RUNDC3B: variants seen among roughly 807,000 people sequenced by gnomAD.
The protein encoded by RUNDC3B is RUN domain-containing protein 3B.
Under a neutral mutation model 58.4 loss-of-function variants are expected in RUNDC3B, and 33 were observed. The ratio of observed to expected loss-of-function variants is 0.56; its 90% confidence interval spans 0.43 to 0.75. The LOEUF (loss-of-function observed/expected upper bound fraction) is 0.75, where lower values mean the gene tolerates loss of function less well. Among genes scored for constraint, RUNDC3B ranks in the 30% least tolerant of loss-of-function variants. The pLI, the probability that RUNDC3B is intolerant of heterozygous loss-of-function variation, is 0.00. For missense variants in RUNDC3B, 501 were observed against 535.7 expected (o/e 0.94, Z 0.64); for synonymous variants, 193 against 195.2 (o/e 0.99, Z 0.10).
At chr7:87,781,807 G>T (rs1834938692) in intron 8 of RUNDC3B, among the ~76,000 whole-genome samples, 1 of 151,848 alleles carries the variant, frequency 6.6e-6, no homozygotes, top group Admixed American at 6.6e-5. Context: ...CTTATTTTGA[G>T]CCATCCTTGC....
At chr7:87,710,864 T>C (rs887140141) in intron 4 of RUNDC3B, among the ~76,000 whole-genome samples, 1 of 152,188 alleles carries the variant, frequency 6.6e-6, no homozygotes, top group African/African-American at 2.4e-5. Context: ...AGATACACAT[T>C]ACGCCTGGAA....
intron 8 of RUNDC3B, among the ~76,000 whole-genome samples, chr7:87,779,845 G>A (rs752112725): frequency 6.6e-6 from 1 of 150,930 alleles, no homozygotes; most frequent in Non-Finnish European, 1.5e-5. Flanking sequence ...CACGTGTACC[G>A]ATTATTTAAC....
rs115290837 is a variant in RUNDC3B at position 87,803,611 on chromosome 7, C to G, written c.957-3762C>G. 2.8e-3 allele frequency among the ~76,000 whole-genome samples: 419 copies of G among 152,240 alleles called. 3 individuals are homozygous for G. The highest frequency in any genetic ancestry group is 9.6e-3 in the African/African-American group (399 of 41,562). On this transcript the variant is annotated intron_variant, in intron 8 of 10. Coordinates refer to ENST00000394654, the MANE Select transcript of RUNDC3B (RefSeq NM_001134405.2). ...ATAAGGAAGGAGAATTTAAATTGTA[C>G]TTTCTATACTCCCTCTTCTATGAGG...
At chr7:87,750,883 A>T (rs979395186) in intron 6 of RUNDC3B, among the ~76,000 whole-genome samples, 1 of 151,430 alleles carries the variant, frequency 6.6e-6, no homozygotes, top group African/African-American at 2.4e-5. Flanking sequence ...CTTTAGTTTA[A>T]TTAGATCTCA....
chr7:87,745,432 A>G (rs994791512), intron 6 of RUNDC3B, among the ~76,000 whole-genome samples: 2 of 152,140 alleles, frequency 1.3e-5, no homozygotes, highest in African/African-American at 4.8e-5. Context: ...CTGTGAATCC[A>G]TCTGGTCCTC....
chr7:87,810,166 A>C (rs1836635384), intron 9 of RUNDC3B, among the ~76,000 whole-genome samples: 1 of 152,216 alleles, frequency 6.6e-6, no homozygotes, highest in Non-Finnish European at 1.5e-5. Context: ...AGAGAGTGTT[A>C]AAAGAAAAAC....
chr7:87,709,509 T>A, intron 3 of RUNDC3B: 1 of 985,404 alleles, frequency 1.0e-6, no homozygotes, highest in Non-Finnish European at 1.2e-6. Context: ...TTGAGCTTGG[T>A]AGGTAAATTG....
intron 1 of RUNDC3B, among the ~76,000 whole-genome samples, chr7:87,631,930 A>G (rs1234333014): frequency 3.3e-5 from 5 of 152,218 alleles, no homozygotes; most frequent in Non-Finnish European, 7.3e-5. Flanking sequence ...CAAGCAAAAA[A>G]TGTTTATATT....
At chr7:87,801,762 C>A (rs1437256909) in intron 8 of RUNDC3B, among the ~76,000 whole-genome samples, 1 of 151,648 alleles carries the variant, frequency 6.6e-6, no homozygotes, top group African/African-American at 2.4e-5. Flanking sequence ...AAGACTGTTT[C>A]AAAAAAAATT....
Position 87,739,926 on chromosome 7 carries a change from ATAGTTTC to A in RUNDC3B, c.548+49_548+55del, listed in dbSNP as rs767417672. ...AGTTTTTAAATTATTCTATATCTTA[ATAGTTTC>A]TACTTATGATTTTTTTCTTTCAGTT... On this transcript the variant is annotated intron_variant, in intron 5 of 10. Transcript: ENST00000394654. The A allele has an allele frequency of 9.0e-6, 8 of 886,520 alleles. No individual in the cohort carries two copies. In the South Asian group the frequency reaches 1.5e-4, roughly 17 times the overall value. 54.9% of individuals were successfully genotyped at this position (886,520 alleles called of 1,614,324 possible).
intron 6 of RUNDC3B, among the ~76,000 whole-genome samples, chr7:87,743,724 CA>C (rs1832483293): frequency 6.6e-6 from 1 of 151,994 alleles, no homozygotes; most frequent in Admixed American, 6.6e-5. Context: ...AGTCCTTTGT[CA>C]GATATATAGG....
chr7:87,703,210 A>G (rs1385399430), intron 3 of RUNDC3B, among the ~76,000 whole-genome samples: 1 of 152,170 alleles, frequency 6.6e-6, no homozygotes, highest in Non-Finnish European at 1.5e-5. Context: ...TTTCCAAATT[A>G]TAATTTCCAA....
chr7:87,725,489 ATTG>A (rs1248491351), intron 4 of RUNDC3B, among the ~76,000 whole-genome samples: 1 of 152,192 alleles, frequency 6.6e-6, no homozygotes, highest in East Asian at 1.9e-4. Context: ...CCAGTCTATC[ATTG>A]TTGGACATTT....
chr7:87,813,667 T>G (rs575581878), intron 9 of RUNDC3B, among the ~76,000 whole-genome samples: 1 of 152,284 alleles, frequency 6.6e-6, no homozygotes, highest in African/African-American at 2.4e-5. Flanking sequence ...ATGTTCTTGC[T>G]TTCCTTTCTA....
intron 2 of RUNDC3B, among the ~76,000 whole-genome samples, chr7:87,684,679 C>T (rs1827270174): frequency 7.7e-6 from 1 of 129,174 alleles, no homozygotes; most frequent in South Asian, 2.6e-4. Flanking sequence ...ACCCAGGAGG[C>T]AGAGATTGCA....
At chr7:87,650,722 A>G (rs1469445625) in intron 1 of RUNDC3B, 100 bp from the exon 2 acceptor site, 8 of 716,224 alleles carry the variant, frequency 1.1e-5, no homozygotes, top group African/African-American at 1.8e-5. Context: ...CTTGTAAAAT[A>G]TTTTTACAAC....
At chr7:87,665,775 A>G (rs1168499954) in intron 2 of RUNDC3B, among the ~76,000 whole-genome samples, 1 of 152,080 alleles carries the variant, frequency 6.6e-6, no homozygotes, top group East Asian at 1.9e-4. Flanking sequence ...CCCACTTACA[A>G]GTGATAACGT....
chr7:87,827,350 G>A (rs1050226414), intron 10 of RUNDC3B, among the ~76,000 whole-genome samples: 6 of 152,012 alleles, frequency 3.9e-5, no homozygotes, highest in African/African-American at 9.7e-5. Flanking sequence ...AGCCAGGTGC[G>A]GTGGTGGGCC....
chr7:87,760,699 A>C (rs1402822744), intron 6 of RUNDC3B, among the ~76,000 whole-genome samples: 4 of 152,096 alleles, frequency 2.6e-5, no homozygotes, highest in South Asian at 4.1e-4. Context: ...TGGAGTTTTG[A>C]AAAGGGTACC....
Sources: gnomAD v4.1 joint callset for allele counts (sites outside exome capture counted in the v4.1 genomes callset) on GRCh38, gnomAD v4.1.1 for gene constraint, MANE v1.5 for transcripts, NCBI Gene and HGNC (gene_info 2026-07-23, HGNC 2026-07-21) for gene names.